VWC2: variants seen among roughly 807,000 people sequenced by gnomAD.
The protein encoded by VWC2 is brorin.
Under a neutral mutation model 29.8 loss-of-function variants are expected in VWC2, and 14 were observed. The observed-to-expected ratio is 0.47, with a 90% CI of 0.31 to 0.74. The LOEUF is 0.74. Among genes scored for constraint, VWC2 ranks in the 30% least tolerant of loss-of-function variants. The pLI, the probability that VWC2 is intolerant of heterozygous loss-of-function variation, is 0.05. For synonymous variants in VWC2, 213 were observed against 199.0 expected (o/e 1.07, Z -0.59); for missense variants, 457 against 459.8 (o/e 0.99, Z 0.05).
chr7:49,912,009 T>C (rs1442638585), intron 3 of VWC2, 25 bp from the exon 4 acceptor site: 1 of 1,604,664 alleles, frequency 6.2e-7, no homozygotes, highest in Non-Finnish European at 8.5e-7. Flanking sequence ...ACACATATAG[T>C]ATAAAACATT....
At chr7:49,827,093 A>G (rs1418731536) in intron 3 of VWC2, among the ~76,000 whole-genome samples, 11 of 152,112 alleles carry the variant, frequency 7.2e-5, no homozygotes, top group Non-Finnish European at 1.6e-4. Flanking sequence ...TATGCTTATT[A>G]CAATTTTGAA....
chr7:49,794,444 C>T (rs922586109), intron 2 of VWC2, among the ~76,000 whole-genome samples: 1 of 152,162 alleles, frequency 6.6e-6, no homozygotes, highest in African/African-American at 2.4e-5. Flanking sequence ...CCAATAAATA[C>T]GTTGGAATTT....
chr7:49,792,012 A>G (rs1788471887), intron 2 of VWC2, among the ~76,000 whole-genome samples: 1 of 152,218 alleles, frequency 6.6e-6, no homozygotes, highest in African/African-American at 2.4e-5. Flanking sequence ...GGAAGGGCCA[A>G]AGGGAAACAC....
At chr7:49,852,901 CTG>C (rs746073327) in intron 3 of VWC2, among the ~76,000 whole-genome samples, 201 of 152,344 alleles carry the variant, frequency 1.3e-3, no homozygotes, top group Non-Finnish European at 2.3e-3. Context: ...CCAGGGCACT[CTG>C]TGGACTTGGG....
chr7:49,801,273 G>A (rs1476187063), intron 2 of VWC2, among the ~76,000 whole-genome samples: 2 of 152,340 alleles, frequency 1.3e-5, no homozygotes, highest in East Asian at 1.9e-4. Context: ...TGGACGTGGG[G>A]CACACAACTC....
intron 3 of VWC2, among the ~76,000 whole-genome samples, chr7:49,810,069 A>T (rs919128873): frequency 6.6e-6 from 1 of 151,882 alleles, no homozygotes; most frequent in Non-Finnish European, 1.5e-5. Flanking sequence ...AAGAAGTATA[A>T]CTGCCTTTAT....
chr7:49,859,316 T>C (rs1161497140), intron 3 of VWC2, among the ~76,000 whole-genome samples: 1 of 152,232 alleles, frequency 6.6e-6, no homozygotes, highest in African/African-American at 2.4e-5. Flanking sequence ...TCTTTTATGT[T>C]TTTTTATTTT....
intron 3 of VWC2, among the ~76,000 whole-genome samples, chr7:49,858,390 T>C (rs1255806155): frequency 6.6e-6 from 1 of 151,936 alleles, no homozygotes; most frequent in Non-Finnish European, 1.5e-5. Context: ...AAAGGATGAG[T>C]TCATGTCCTT....
intron 3 of VWC2, among the ~76,000 whole-genome samples, chr7:49,858,315 A>T (rs931133953): frequency 3.9e-5 from 6 of 152,092 alleles, no homozygotes; most frequent in Admixed American, 6.5e-5. Context: ...CAAATGTCCA[A>T]CAATGATAGA....
At chr7:49,804,090 T>C (rs1437209639) in intron 3 of VWC2, among the ~76,000 whole-genome samples, 2 of 151,842 alleles carry the variant, frequency 1.3e-5, no homozygotes, top group Admixed American at 6.6e-5. Context: ...CTCTTGTGCA[T>C]GTTAATTATG....
chr7:49,854,291 C>G (rs1304883861), intron 3 of VWC2, among the ~76,000 whole-genome samples: 1 of 152,178 alleles, frequency 6.6e-6, no homozygotes, highest in Non-Finnish European at 1.5e-5. Context: ...AATTGCCACA[C>G]TCTTCCACAA....
intron 2 of VWC2, among the ~76,000 whole-genome samples, chr7:49,793,780 T>TCGC (rs1434527894): frequency 6.6e-6 from 1 of 152,344 alleles, no homozygotes; most frequent in African/African-American, 2.4e-5. Context: ...AGCATATAAA[T>TCGC]GGCATGCATT....
chr7:49,832,558 G>A (rs900395026), intron 3 of VWC2, among the ~76,000 whole-genome samples: 2 of 152,284 alleles, frequency 1.3e-5, no homozygotes, highest in South Asian at 4.1e-4. Context: ...GGTTAAAACA[G>A]AGGGAACTTC....
At chr7:49,855,784 C>A (rs1487552656) in intron 3 of VWC2, among the ~76,000 whole-genome samples, 1 of 152,194 alleles carries the variant, frequency 6.6e-6, no homozygotes, top group Non-Finnish European at 1.5e-5. Flanking sequence ...CCCAGCCCTC[C>A]CAGCTGCCCT....
At chr7:49,815,846 C>A (rs1789130033) in intron 3 of VWC2, among the ~76,000 whole-genome samples, 1 of 152,164 alleles carries the variant, frequency 6.6e-6, no homozygotes, top group South Asian at 2.1e-4. Context: ...TTCATTAATT[C>A]ATTCAACAGA....
At chr7:49,902,556 A>G (rs1792824428) in intron 3 of VWC2, among the ~76,000 whole-genome samples, 2 of 139,572 alleles carry the variant, frequency 1.4e-5, no homozygotes, top group Non-Finnish European at 3.0e-5. Context: ...TCCGTAGCCA[A>G]AAAAAAAAAA....
In VWC2 at chr7:49,818,828, A is replaced by G. The variant is rs149554088; in HGVS notation, c.826+15988A>G. Reference sequence around the variant, plus strand: ...AGGAAGGCAACAGCCTCCTTTATATATATATTCAATATATATCATATATAT... The same window carrying G: ...AGGAAGGCAACAGCCTCCTTTATATGTATATTCAATATATATCATATATAT... On this transcript the variant is annotated intron_variant, in intron 3 of 3. Transcript: ENST00000340652. Among the ~76,000 whole-genome samples, 266 of 148,532 alleles carry G rather than the reference A, an allele frequency of 1.8e-3. 1 individual carries two copies. Among genetic ancestry groups the G allele is most frequent in the African/African-American group, 6.3e-3 (256 of 40,892 alleles).
chr7:49,894,432 C>T (rs1449897566), intron 3 of VWC2, among the ~76,000 whole-genome samples: 1 of 152,244 alleles, frequency 6.6e-6, no homozygotes, highest in Non-Finnish European at 1.5e-5. Context: ...TGCACCTGAT[C>T]CTTGTTCATC....
Position 49,773,647 on chromosome 7 carries a change from C to A in VWC2, c.-570C>A. 6.5e-6 allele frequency: 1 copy of A among 152,884 alleles called. No homozygotes were observed. Among genetic ancestry groups the A allele is most frequent in the South Asian group, 1.9e-4 (1 of 5,134 alleles). The allele number at this position is 152,884 out of a possible 1,614,324, so 9.5% of individuals were successfully genotyped here. On this transcript the variant is annotated 5_prime_UTR_variant, in exon 1 of 4. Transcript: ENST00000340652. ...GAGGCGGGAGGCGGGCGCGCTAGCT[C>A]CCATGCTGGCCTCGGTGCCACTCGC...
Sources: allele counts gnomAD v4.1 joint callset (sites outside exome capture counted in the v4.1 genomes callset), GRCh38; gene constraint gnomAD v4.1.1; transcripts MANE v1.5; gene names NCBI Gene and HGNC (gene_info 2026-07-23, HGNC 2026-07-21).